CFAP299: variants seen among roughly 807,000 people sequenced by gnomAD.
CFAP299 encodes cilia and flagella associated protein 299.
Under a neutral mutation model 27.0 loss-of-function variants are expected in CFAP299, and 21 were observed. That is an observed-to-expected ratio of 0.78 (90% CI 0.55 to 1.12). The LOEUF is 1.12. Ranked by LOEUF, CFAP299 falls within the 50% of genes most tolerant of loss-of-function variation. The probability of loss-of-function intolerance (pLI) is 0.00; values close to 1 mark genes in which losing one functional copy is unlikely to be tolerated. For synonymous variants in CFAP299, 104 were observed against 98.1 expected, an observed-to-expected ratio of 1.06 and a Z score of -0.36; for missense variants, 310 against 276.6, an observed-to-expected ratio of 1.12 and a Z score of -0.86.
At chr4:80,635,897 T>C (rs1287722744) in intron 3 of CFAP299, among the ~76,000 whole-genome samples, 2 of 152,136 alleles carry the variant, frequency 1.3e-5, no homozygotes, top group Non-Finnish European at 2.9e-5. Context: ...CTCAGGTCTT[T>C]TGTTAAACAT....
At chr4:80,666,935 C>T (rs1170630961) in intron 3 of CFAP299, among the ~76,000 whole-genome samples, 1 of 152,160 alleles carries the variant, frequency 6.6e-6, no homozygotes, top group Admixed American at 6.6e-5. Flanking sequence ...TTGTCTACCT[C>T]GATTTTCTTC....
At chr4:80,630,424 C>T (rs764031216) in intron 3 of CFAP299, among the ~76,000 whole-genome samples, 77 of 152,032 alleles carry the variant, frequency 5.1e-4, no homozygotes, top group Non-Finnish European at 9.0e-4. Flanking sequence ...TAAATTTGTT[C>T]TCTACTAAAC....
intron 3 of CFAP299, among the ~76,000 whole-genome samples, chr4:80,788,716 A>G (rs1727383583): frequency 6.6e-6 from 1 of 151,912 alleles, no homozygotes; most frequent in African/African-American, 2.4e-5. Context: ...CACAGTTTAT[A>G]CTGGCCAGCT....
intron 3 of CFAP299, among the ~76,000 whole-genome samples, chr4:80,855,922 A>G (rs941556592): frequency 6.0e-4 from 91 of 152,026 alleles, no homozygotes; most frequent in African/African-American, 2.2e-3. Flanking sequence ...GTATATACCC[A>G]GTAATGGGAT....
chr4:80,670,410 T>A (rs750907364), intron 3 of CFAP299, among the ~76,000 whole-genome samples: 1 of 152,166 alleles, frequency 6.6e-6, no homozygotes, highest in Non-Finnish European at 1.5e-5. Context: ...TGGGTTGGTT[T>A]CAACTTTCTG....
chr4:80,913,955 T>A (rs1735613739), intron 4 of CFAP299, among the ~76,000 whole-genome samples: 1 of 152,180 alleles, frequency 6.6e-6, no homozygotes, highest in South Asian at 2.1e-4. Context: ...TCTGTACTGT[T>A]TTTTGGCTAT....
chr4:80,600,694 T>C (rs887531091), intron 3 of CFAP299, among the ~76,000 whole-genome samples: 2 of 152,124 alleles, frequency 1.3e-5, no homozygotes, highest in African/African-American at 4.8e-5. Flanking sequence ...TTTTTTGTTG[T>C]TGTTGTTGTT....
At chr4:80,423,878 G>T (rs780563344) in intron 2 of CFAP299, among the ~76,000 whole-genome samples, 15 of 152,170 alleles carry the variant, frequency 9.9e-5, no homozygotes, top group Non-Finnish European at 1.6e-4. Context: ...AGCTGTCTGT[G>T]TTCCAAGGGA....
chr4:80,543,875 C>T (rs946752082), intron 2 of CFAP299, among the ~76,000 whole-genome samples: 1 of 152,054 alleles, frequency 6.6e-6, no homozygotes, highest in Non-Finnish European at 1.5e-5. Context: ...CAACCATCCC[C>T]AAGACACACA....
intron 2 of CFAP299, chr4:80,387,223 G>A: frequency 6.9e-7 from 1 of 1,449,762 alleles, no homozygotes; most frequent in Admixed American, 1.7e-5. Flanking sequence ...CGTACATCGG[G>A]GGTAAGTCCT....
chr4:80,935,068 T>G (rs1736820878), intron 4 of CFAP299, among the ~76,000 whole-genome samples: 1 of 152,084 alleles, frequency 6.6e-6, no homozygotes, highest in Non-Finnish European at 1.5e-5. Context: ...TATAGCATGT[T>G]TCCATTTTAA....
chr4:80,884,743 A>G (rs201730188), intron 4 of CFAP299, among the ~76,000 whole-genome samples: 1 of 151,954 alleles, frequency 6.6e-6, no homozygotes, highest in African/African-American at 2.4e-5. Context: ...TCCTTTAGCT[A>G]GACCAAGAAA....
intron 3 of CFAP299, among the ~76,000 whole-genome samples, chr4:80,680,991 T>C (rs1360614083): frequency 1.3e-5 from 2 of 151,796 alleles, no homozygotes; most frequent in East Asian, 3.9e-4. Context: ...CCTAAGGAGG[T>C]TGTATGGTAG....
upstream of CFAP299, among the ~76,000 whole-genome samples, chr4:80,334,885 A>G (rs1247690407): frequency 6.6e-6 from 1 of 152,234 alleles, no homozygotes. Context: ...AAGATGAATT[A>G]GAAACGTACT....
At chr4:80,546,761 T>C (rs905337134) in intron 2 of CFAP299, among the ~76,000 whole-genome samples, 2 of 152,094 alleles carry the variant, frequency 1.3e-5, no homozygotes, top group African/African-American at 4.8e-5. Context: ...CCTTACACCA[T>C]GAGTAAAAGT....
At chr4:80,893,729 GATGTAGACATAAAACCTGAAA>G (rs891919734) in intron 4 of CFAP299, among the ~76,000 whole-genome samples, 8 of 151,412 alleles carry the variant, frequency 5.3e-5, no homozygotes, top group African/African-American at 1.9e-4. Context: ...ATAGATTAAA[GATGTAGACATAAAACCTGAAA>G]ATGTAGAACC....
intron 3 of CFAP299, among the ~76,000 whole-genome samples, chr4:80,685,408 TGCC>T (rs1720118438): frequency 6.6e-6 from 1 of 152,040 alleles, no homozygotes; most frequent in Non-Finnish European, 1.5e-5. Flanking sequence ...ACTGAAACCT[TGCC>T]AATTGCACTG....
At chr4:80,394,009 A>G (rs1387543019) in intron 2 of CFAP299, among the ~76,000 whole-genome samples, 1 of 152,014 alleles carries the variant, frequency 6.6e-6, no homozygotes, top group Non-Finnish European at 1.5e-5. Context: ...TTCTCATGAG[A>G]TCTGATGGTT....
intron 2 of CFAP299, among the ~76,000 whole-genome samples, chr4:80,412,234 A>G (rs1485974088): frequency 1.3e-5 from 2 of 149,910 alleles, no homozygotes; most frequent in African/African-American, 4.9e-5. Flanking sequence ...AAGCTTCTGC[A>G]CTTCATTTCT....
Sources: allele counts gnomAD v4.1 joint callset (sites outside exome capture counted in the v4.1 genomes callset), GRCh38; gene constraint gnomAD v4.1.1; transcripts MANE v1.5; gene names NCBI Gene and HGNC (gene_info 2026-07-23, HGNC 2026-07-21).